EPB41L4A: variants seen among roughly 807,000 people sequenced by gnomAD.
EPB41L4A encodes the protein erythrocyte membrane protein band 4.1 like 4A, also known as band 4.1-like protein 4A.
In EPB41L4A, 100 loss-of-function variants were observed where a neutral mutation model predicts 108.6. The ratio of observed to expected loss-of-function variants is 0.92; its 90% CI spans 0.78 to 1.09. The LOEUF (loss-of-function observed/expected upper bound fraction) is 1.09. Among genes scored for constraint, EPB41L4A ranks in the 50% least tolerant of loss-of-function variants. EPB41L4A has a pLI of 0.00. For synonymous variants in EPB41L4A, 319 were observed against 289.0 expected, an observed-to-expected ratio of 1.10 and a Z score of -1.05; for missense variants, 1,030 against 842.7, an observed-to-expected ratio of 1.22 and a Z score of -2.75.
chr5:112,334,205 TATA>T, intron 1 of EPB41L4A, among the ~76,000 whole-genome samples: 1 of 152,176 alleles, frequency 6.6e-6, no homozygotes, highest in Non-Finnish European at 1.5e-5. Flanking sequence ...GACTTTGGTA[TATA>T]ACATCACATA....
At chr5:112,230,105 A>T (rs1412535944) in intron 12 of EPB41L4A, among the ~76,000 whole-genome samples, 2 of 152,056 alleles carry the variant, frequency 1.3e-5, no homozygotes, top group Non-Finnish European at 2.9e-5. Context: ...TAATATAAAC[A>T]CCACTTTTCT....
At chr5:112,168,240 A>G (rs1243747814) in intron 22 of EPB41L4A, among the ~76,000 whole-genome samples, 1 of 152,220 alleles carries the variant, frequency 6.6e-6, no homozygotes, top group Non-Finnish European at 1.5e-5. Flanking sequence ...GATTTTGTTA[A>G]GGCAGCTAGG....
At chr5:112,371,579 C>T (rs1759499994) in intron 1 of EPB41L4A, among the ~76,000 whole-genome samples, 1 of 152,160 alleles carries the variant, frequency 6.6e-6, no homozygotes, top group South Asian at 2.1e-4. Context: ...GGAACCCATT[C>T]ATGCAACTCC....
intron 2 of EPB41L4A, among the ~76,000 whole-genome samples, chr5:112,292,636 A>T (rs1302527967): frequency 6.6e-6 from 1 of 152,160 alleles, no homozygotes; most frequent in Non-Finnish European, 1.5e-5. Context: ...ATTTTATAAA[A>T]TATAAGTAGA....
At chr5:112,204,874 C>A (rs767411270) in intron 14 of EPB41L4A, among the ~76,000 whole-genome samples, 16 of 152,184 alleles carry the variant, frequency 1.1e-4, no homozygotes, top group Admixed American at 2.0e-4. Flanking sequence ...ACTATTAAAC[C>A]TATTAAACAG....
chr5:112,241,306 A>T (rs1004157091), intron 9 of EPB41L4A, among the ~76,000 whole-genome samples: 1 of 152,202 alleles, frequency 6.6e-6, no homozygotes, highest in African/African-American at 2.4e-5. Flanking sequence ...AAAATTAAAT[A>T]ATGCCTCTGA....
At chr5:112,226,824 G>A (rs989050359) in intron 12 of EPB41L4A, among the ~76,000 whole-genome samples, 1 of 151,936 alleles carries the variant, frequency 6.6e-6, no homozygotes, top group Admixed American at 6.6e-5. Context: ...GGGAGAGCAG[G>A]AAGGGGTAAT....
rs775378751 is a variant in EPB41L4A at position 112,209,981 on chromosome 5, T to C, written c.1089A>G (p.Glu363=). 6.4e-7 allele frequency: 1 copy of C among 1,551,942 alleles called. No homozygotes were observed. The highest frequency in any genetic ancestry group is 8.9e-7 in the Non-Finnish European group (1 of 1,127,768). ...CAGTTATCCTACTGATGCTGTTTGATTCTAGCAGAGGAGGAGAAGGAAAGA... is the reference window on the plus strand; with the variant it reads ...CAGTTATCCTACTGATGCTGTTTGACTCTAGCAGAGGAGGAGAAGGAAAGA... The part of the protein sequence containing the change: ...PKRIAQTQPA[E]SNSISRITAN... The change falls in exon 13 of 23, where the codon GAA becomes GAG. Residue 363 remains glutamate (E), a splice_region_variant and synonymous_variant. Coordinates refer to ENST00000261486, the MANE Select transcript of EPB41L4A (RefSeq NM_022140.5).
intron 1 of EPB41L4A, among the ~76,000 whole-genome samples, chr5:112,354,027 G>T (rs1295091384): frequency 6.6e-6 from 1 of 152,152 alleles, no homozygotes; most frequent in Non-Finnish European, 1.5e-5. Context: ...GTAGTAAAGA[G>T]CATGGACTCT....
intron 7 of EPB41L4A, among the ~76,000 whole-genome samples, chr5:112,260,611 C>T (rs1751428569): frequency 6.6e-6 from 1 of 152,132 alleles, no homozygotes; most frequent in South Asian, 2.1e-4. Flanking sequence ...CTACTTCCAC[C>T]TATAACTTTA....
intron 1 of EPB41L4A, among the ~76,000 whole-genome samples, chr5:112,380,703 G>C (rs1351709248): frequency 6.6e-6 from 1 of 151,776 alleles, no homozygotes; most frequent in African/African-American, 2.4e-5. Flanking sequence ...ACAAAGCACA[G>C]GGGAAAAAAA....
At chr5:112,261,683 C>T (rs1316350686) in intron 7 of EPB41L4A, among the ~76,000 whole-genome samples, 1 of 152,164 alleles carries the variant, frequency 6.6e-6, no homozygotes, top group Non-Finnish European at 1.5e-5. Context: ...TGAAAAAAAT[C>T]TGCAAAAATA....
chr5:112,198,320 A>G, intron 15 of EPB41L4A, among the ~76,000 whole-genome samples: 1 of 152,194 alleles, frequency 6.6e-6, no homozygotes, highest in Non-Finnish European at 1.5e-5. Context: ...GGCATGAGCC[A>G]CCGTACATGG....
At chr5:112,280,468 A>C in intron 2 of EPB41L4A, 145 bp from the exon 3 acceptor site, 2 of 713,414 alleles carry the variant, frequency 2.8e-6, no homozygotes, top group Non-Finnish European at 4.9e-6. Context: ...ACAAACATAC[A>C]TAAGAGTTTT....
At chr5:112,411,753 G>A (rs577357095) in intron 1 of EPB41L4A, among the ~76,000 whole-genome samples, 23 of 152,200 alleles carry the variant, frequency 1.5e-4, no homozygotes, top group Non-Finnish European at 3.2e-4. Flanking sequence ...ACTCCCATTA[G>A]GAGGCTGGCC....
chr5:112,245,483 G>A (rs1676669040), intron 9 of EPB41L4A, among the ~76,000 whole-genome samples: 1 of 152,172 alleles, frequency 6.6e-6, no homozygotes, highest in African/African-American at 2.4e-5. Context: ...GAAGAGATGT[G>A]ATGGAAACAA....
At chr5:112,215,762 C>CAAAAAAAAAAAAA (rs374126290) in intron 12 of EPB41L4A, among the ~76,000 whole-genome samples, 6 of 101,300 alleles carry the variant, frequency 5.9e-5, no homozygotes, top group South Asian at 4.0e-4. Flanking sequence ...GACTCCATCT[C>CAAAAAAAAAAAAA]AAAAAAAAAA....
At chr5:112,414,191 T>C (rs1053855899) in intron 1 of EPB41L4A, among the ~76,000 whole-genome samples, 1 of 152,150 alleles carries the variant, frequency 6.6e-6, no homozygotes, top group Admixed American at 6.5e-5. Flanking sequence ...CGTGTAAAGA[T>C]ACTTGAATAT....
chr5:112,233,706 C>T (rs553942303), intron 12 of EPB41L4A, among the ~76,000 whole-genome samples: 3 of 152,264 alleles, frequency 2.0e-5, no homozygotes, highest in African/African-American at 7.2e-5. Flanking sequence ...CCATCATGCC[C>T]AGAAGTGCTG....
Sources: gnomAD v4.1 joint callset for allele counts (sites outside exome capture counted in the v4.1 genomes callset) on GRCh38, gnomAD v4.1.1 for gene constraint, MANE v1.5 for transcripts, NCBI Gene and HGNC (gene_info 2026-07-23, HGNC 2026-07-21) for gene names.